ALPK2: variants seen among roughly 807,000 people sequenced by gnomAD.
ALPK2 encodes the protein alpha-protein kinase 2.
A neutral mutation model predicts 163.1 loss-of-function variants in ALPK2; 127 were observed. The ratio of observed to expected loss-of-function variants is 0.78; its 90% confidence interval spans 0.67 to 0.90. The LOEUF (loss-of-function observed/expected upper bound fraction) is 0.90, where lower values mean the gene tolerates loss of function less well. Ranked by LOEUF, ALPK2 falls within the 40% of genes least tolerant of loss-of-function variation. ALPK2 has a pLI of 0.00. For missense variants in ALPK2, 2,360 were observed against 2,589.6 expected, an observed-to-expected ratio of 0.91 and a Z score of 1.92; for synonymous variants, 953 against 959.1, an observed-to-expected ratio of 0.99 and a Z score of 0.12.
Position 58,521,873 on chromosome 18 carries a change from C to T in ALPK2, c.5665+1933G>A, listed in dbSNP as rs185221328. ...GATCTCTTGACCTCGTGATCCCACTCGCCTCGGCCTTCCAAAGTGCTGGGA... is the reference window on the plus strand; with the variant it reads ...GATCTCTTGACCTCGTGATCCCACTTGCCTCGGCCTTCCAAAGTGCTGGGA... On this transcript the variant is annotated intron_variant, in intron 8 of 12. Coordinates refer to ENST00000361673, the MANE Select transcript of ALPK2 (RefSeq NM_052947.4). Among the ~76,000 whole-genome samples, 859 of 152,088 alleles carry T rather than the reference C, an allele frequency of 5.6e-3. 8 individuals are homozygous for T. Among genetic ancestry groups the T allele is most frequent in the African/African-American group, 0.019 (797 of 41,500 alleles).
At chr18:58,494,363 C>G (rs903411440) in intron 12 of ALPK2, among the ~76,000 whole-genome samples, 3 of 152,142 alleles carry the variant, frequency 2.0e-5, no homozygotes, top group Non-Finnish European at 4.4e-5. Flanking sequence ...ATATGACATA[C>G]TCCTGTTAAA....
intron 4 of ALPK2, among the ~76,000 whole-genome samples, chr18:58,568,694 A>T (rs74906787): frequency 6.6e-6 from 1 of 152,256 alleles, no homozygotes. Flanking sequence ...ACAGACTTTT[A>T]AAATTGTTAC....
chr18:58,568,113 A>C (rs904248553), intron 4 of ALPK2, among the ~76,000 whole-genome samples: 2 of 152,160 alleles, frequency 1.3e-5, no homozygotes, highest in African/African-American at 4.8e-5. Flanking sequence ...TCTGGTTTCA[A>C]AATGGTCTGT....
chr18:58,485,996 T>C (rs2051337124), intron 12 of ALPK2, among the ~76,000 whole-genome samples: 2 of 152,274 alleles, frequency 1.3e-5, no homozygotes, highest in African/African-American at 4.8e-5. Context: ...CCCAGAAAGA[T>C]CACCACTTCG....
intron 3 of ALPK2, among the ~76,000 whole-genome samples, chr18:58,587,441 C>G (rs1351793232): frequency 6.6e-6 from 1 of 151,936 alleles, no homozygotes; most frequent in Non-Finnish European, 1.5e-5. Context: ...CCTAGACTTG[C>G]TAAACACAAA....
rs2051952260 is a variant in ALPK2 at position 58,580,406 on chromosome 18, C to G, written c.370G>C (p.Gly124Arg). 1 of 1,614,002 alleles carries G rather than the reference C, an allele frequency of 6.2e-7. No homozygotes were observed. ...TGTGTCCCTGTTTCATGTTTCCAAC[C>G]CCTGTCCCTGTCATCTTCCAGGTTA... ...SPNLEDDRDR[G>R]WKHETGTHEE... is the part of the protein sequence containing the mutation. Residue 124 changes from glycine (G) to arginine (R), a missense_variant, in exon 4 of 13, where the codon GGT (glycine) becomes CGT (arginine). By Grantham distance (125) the Gly-to-Arg change is moderately radical. Coordinates refer to ENST00000361673, the MANE Select transcript of ALPK2 (RefSeq NM_052947.4).
At position 58,535,961 on chromosome 18, in the gene ALPK2, A is replaced by G; in HGVS notation, c.4226T>C (p.Ile1409Thr). ...LESSVDPIDEISVIEYTRAGK... is the reference protein window; with the variant it reads ...LESSVDPIDETSVIEYTRAGK... ...AGCCCTGGTGTACTCTATCACACTT[A>G]TCTCATCAATGGGATCTACAGAGGA... The change falls in exon 5 of 13, where the codon ATA becomes ACA. Residue 1409 changes from isoleucine (I) to threonine (T), a missense_variant. Ile to Thr is a moderately conservative substitution (Grantham distance 89, BLOSUM62 -1). Coordinates refer to ENST00000361673, the MANE Select transcript of ALPK2 (RefSeq NM_052947.4). 2 of 1,614,176 alleles carry G rather than the reference A, an allele frequency of 1.2e-6. No individual in the cohort carries two copies. The highest frequency in any genetic ancestry group is 1.1e-5 in the South Asian group (1 of 91,074).
chr18:58,585,165 C>T (rs904309115), intron 3 of ALPK2, among the ~76,000 whole-genome samples: 2 of 152,128 alleles, frequency 1.3e-5, no homozygotes, highest in Admixed American at 1.3e-4. Flanking sequence ...TTTCTGAAAA[C>T]ATTTTGGTTT....
chr18:58,490,811 T>C (rs2051370601), intron 12 of ALPK2, among the ~76,000 whole-genome samples: 1 of 152,162 alleles, frequency 6.6e-6, no homozygotes, highest in Non-Finnish European at 1.5e-5. Context: ...CAGGAGGTTC[T>C]GTGAGACAGG....
chr18:58,487,275 A>C (rs575882821), intron 12 of ALPK2, among the ~76,000 whole-genome samples: 2 of 152,334 alleles, frequency 1.3e-5, no homozygotes, highest in African/African-American at 2.4e-5. Context: ...CACAGGGGGA[A>C]TATCATGTGA....
At chr18:58,550,948 C>G (rs1208519783) in intron 4 of ALPK2, among the ~76,000 whole-genome samples, 2 of 151,736 alleles carry the variant, frequency 1.3e-5, no homozygotes, top group Non-Finnish European at 2.9e-5. Flanking sequence ...CAATCCCATC[C>G]CCACCTCCAT....
At chr18:58,608,158 GT>G (rs774538725) in intron 2 of ALPK2, among the ~76,000 whole-genome samples, 10 of 152,188 alleles carry the variant, frequency 6.6e-5, no homozygotes, top group Non-Finnish European at 1.5e-4. Context: ...TACTTTAATA[GT>G]GCTCAAAGTT....
chr18:58,533,055 T>C (rs2051624313), intron 5 of ALPK2, among the ~76,000 whole-genome samples: 1 of 152,214 alleles, frequency 6.6e-6, no homozygotes, highest in Admixed American at 6.5e-5. Flanking sequence ...TCTTTGGTTG[T>C]CTCTACCCCG....
At chr18:58,610,590 T>A (rs2052123108) in intron 2 of ALPK2, among the ~76,000 whole-genome samples, 1 of 152,188 alleles carries the variant, frequency 6.6e-6, no homozygotes, top group African/African-American at 2.4e-5. Context: ...GATTTTCACT[T>A]CTTATTAGCA....
At position 58,578,802 on chromosome 18, in the gene ALPK2, G is replaced by C. The variant is rs772539987; in HGVS notation, c.1962+12C>G. On this transcript the variant is annotated intron_variant, in intron 4 of 12. Coordinates refer to ENST00000361673, the MANE Select transcript of ALPK2 (RefSeq NM_052947.4). ...TTTTTATCTCGTAATTTCTTTAAAA[G>C]AAAAGTCTTACCTGAGGAGGATCAC... The C allele has an allele frequency of 3.2e-6, 5 of 1,570,468 alleles. No homozygotes were observed. Among genetic ancestry groups the C allele is most frequent in the Non-Finnish European group, 3.5e-6 (4 of 1,158,520 alleles).
chr18:58,566,807 TG>T (rs2051855976), intron 4 of ALPK2: 1 of 152,226 alleles, frequency 6.6e-6, no homozygotes, highest in African/African-American at 2.4e-5. Flanking sequence ...CACGAGTTTT[TG>T]TTTTTCCTCT....
chr18:58,481,777 G>A lies in ALPK2; in HGVS notation c.*46C>T, dbSNP rs148768721. The A allele has an allele frequency of 5.2e-5, 78 of 1,496,794 alleles. 1 individual carries two copies. In the African/African-American group the frequency reaches 9.0e-4, roughly 17 times the overall value. The allele number at this position is 1,496,794 out of a possible 1,614,324, so 92.7% of individuals were successfully genotyped here. On this transcript the variant is annotated 3_prime_UTR_variant, in exon 13 of 13. Coordinates refer to ENST00000361673, the MANE Select transcript of ALPK2 (RefSeq NM_052947.4). ...TGTGTGGCCTCAGATTTTCCCTGGC[G>A]AGATTGTGTGCTGCTAGCCAGTGGC...
chr18:58,516,957 G>A lies in ALPK2; in HGVS notation c.5891C>T (p.Thr1964Ile). ...LKVHNAIAYG[T>I]RNNDELIQRN... The stretch of plus-strand genomic sequence containing the variant: ...TTGGATGAGCTCATCATTATTTCTG[G>A]TCCCATAGGCAATGGCATTGTGCAC... The change falls in exon 9 of 13, where the codon ACC becomes ATC. Residue 1964 changes from threonine to isoleucine, a missense_variant. Thr to Ile is a moderately conservative substitution (Grantham distance 89). Coordinates refer to ENST00000361673, the MANE Select transcript of ALPK2 (RefSeq NM_052947.4). 6.2e-7 allele frequency: 1 copy of A among 1,614,098 alleles called. No individual in the cohort carries two copies. The highest frequency in any genetic ancestry group is 8.5e-7 in the Non-Finnish European group (1 of 1,180,004).
chr18:58,575,402 G>T (rs2051915130), intron 4 of ALPK2, among the ~76,000 whole-genome samples: 1 of 152,140 alleles, frequency 6.6e-6, no homozygotes, highest in Non-Finnish European at 1.5e-5. Flanking sequence ...TCAATTCTGT[G>T]CTTAGTGCTG....
Sources: gnomAD v4.1 joint callset for allele counts (sites outside exome capture counted in the v4.1 genomes callset) on GRCh38, gnomAD v4.1.1 for gene constraint, MANE v1.5 for transcripts, NCBI Gene and HGNC (gene_info 2026-07-23, HGNC 2026-07-21) for gene names.